RNGTT: variants seen among roughly 807,000 people sequenced by gnomAD.
RNGTT encodes the protein mRNA-capping enzyme.
RNGTT carries 33 observed loss-of-function variants against 79.3 expected under a neutral mutation model. The ratio of observed to expected loss-of-function variants is 0.42; its 90% confidence interval spans 0.32 to 0.56. RNGTT has a LOEUF of 0.56. Ranked by LOEUF, RNGTT falls within the 20% of genes least tolerant of loss-of-function variation. The pLI is 0.17. For missense variants in RNGTT, 497 were observed against 739.1 expected, an observed-to-expected ratio of 0.67 and a Z score of 3.80; for synonymous variants, 222 against 235.9, an observed-to-expected ratio of 0.94 and a Z score of 0.54.
At chr6:88,649,951 T>C (rs1190169304) in intron 14 of RNGTT, among the ~76,000 whole-genome samples, 1 of 152,178 alleles carries the variant, frequency 6.6e-6, no homozygotes, top group Non-Finnish European at 1.5e-5. Context: ...AGAATTCAAA[T>C]GAACAGAATT....
chr6:88,644,526 A>G (rs1160956015), intron 14 of RNGTT, among the ~76,000 whole-genome samples: 4 of 152,348 alleles, frequency 2.6e-5, no homozygotes, highest in Admixed American at 2.0e-4. Context: ...TCCTCATACC[A>G]AAGCCTGGCA....
intron 11 of RNGTT, among the ~76,000 whole-genome samples, chr6:88,833,437 T>C (rs1455025112): frequency 3.3e-5 from 5 of 151,868 alleles, no homozygotes; most frequent in Non-Finnish European, 7.4e-5. Flanking sequence ...TTGGGGGCTA[T>C]GGGAGGGATA....
chr6:88,887,477 T>C (rs1458462007), intron 8 of RNGTT, among the ~76,000 whole-genome samples: 3 of 152,132 alleles, frequency 2.0e-5, no homozygotes, highest in Admixed American at 6.5e-5. Context: ...CAGAAACACC[T>C]TGCAAAATTT....
chr6:88,729,757 T>C (rs879243571), intron 13 of RNGTT, among the ~76,000 whole-genome samples: 3 of 152,128 alleles, frequency 2.0e-5, no homozygotes, highest in Admixed American at 2.0e-4. Context: ...TATACCGTCA[T>C]CCCAAACAAC....
chr6:88,762,820 C>T (rs1384180299), intron 13 of RNGTT, among the ~76,000 whole-genome samples: 1 of 152,190 alleles, frequency 6.6e-6, no homozygotes, highest in African/African-American at 2.4e-5. Flanking sequence ...AGAGAGAGAA[C>T]CTGAGTAAAG....
chr6:88,640,587 A>C (rs1293980613), intron 14 of RNGTT, among the ~76,000 whole-genome samples: 1 of 151,864 alleles, frequency 6.6e-6, no homozygotes, highest in East Asian at 1.9e-4. Flanking sequence ...AAGAGCAACA[A>C]AAATAACTGG....
intron 2 of RNGTT, among the ~76,000 whole-genome samples, chr6:88,940,451 G>A (rs56091054): frequency 0.016 from 2,366 of 152,276 alleles, 29 homozygotes; most frequent in Middle Eastern, 0.034. Flanking sequence ...GGTGTTGGTC[G>A]GGTAAAGCAC....
In RNGTT at chr6:88,946,577, T is replaced by C. The variant is rs539058149; in HGVS notation, c.65-5397A>G. On this transcript the variant is annotated intron_variant, in intron 1 of 15. Coordinates refer to ENST00000369485, the MANE Select transcript of RNGTT (RefSeq NM_003800.5). ...CCAGATATGCCAAAAGCTAGGCCTC[T>C]TGCACCAGTTAGCCAAGTTGTGAAT... Among the ~76,000 whole-genome samples the C allele has an allele frequency of 3.3e-5, 5 of 152,242 alleles. No homozygotes were observed. The East Asian group carries it at 9.7e-4, about 29-fold the overall frequency.
At chr6:88,921,759 A>T (rs1012681108) in intron 4 of RNGTT, among the ~76,000 whole-genome samples, 31 of 152,084 alleles carry the variant, frequency 2.0e-4, no homozygotes, top group African/African-American at 7.2e-4. Flanking sequence ...GCCTTCCTAT[A>T]TCTGTATTAA....
chr6:88,666,425 CT>C (rs1206812070), intron 14 of RNGTT, among the ~76,000 whole-genome samples: 2 of 152,208 alleles, frequency 1.3e-5, no homozygotes, highest in African/African-American at 4.8e-5. Context: ...TAAACTAACT[CT>C]TAGGCAAAAC....
rs376428632 is a variant in RNGTT at position 88,787,991 on chromosome 6, T to C, written c.1338+13573A>G. Among the ~76,000 whole-genome samples the C allele has an allele frequency of 7.2e-5, 11 of 152,286 alleles. No individual in the cohort carries two copies. In the East Asian group the frequency reaches 1.7e-3, roughly 24 times the overall value. ...TATTTGATCATTTCAGAAATAGAGA[T>C]AGAGTTTGTCTTTGATATGCAGATG... is the stretch of plus-strand genomic sequence containing the variant. On this transcript the variant is annotated intron_variant, in intron 12 of 15. Transcript: ENST00000369485.
At chr6:88,944,062 C>T (rs1277264208) in intron 1 of RNGTT, among the ~76,000 whole-genome samples, 2 of 152,154 alleles carry the variant, frequency 1.3e-5, no homozygotes, top group Non-Finnish European at 2.9e-5. Flanking sequence ...TACATCTTTT[C>T]CTCATTCCTA....
chr6:88,800,287 C>T (rs965844963), intron 12 of RNGTT, among the ~76,000 whole-genome samples: 6 of 152,132 alleles, frequency 3.9e-5, no homozygotes, highest in African/African-American at 1.4e-4. Flanking sequence ...GTTGAGCATC[C>T]CTAATACAAA....
Position 88,793,890 on chromosome 6 carries a change from T to C in RNGTT, c.1338+7674A>G, listed in dbSNP as rs572305239. On this transcript the variant is annotated intron_variant, in intron 12 of 15. Transcript: ENST00000369485. ...ATCAAACTTCATAAGAAGTCTAGTT[T>C]ATTTTAATTGTCTAACTTGCCATTT... Among the ~76,000 whole-genome samples the C allele has an allele frequency of 3.3e-5, 5 of 152,354 alleles. No individual in the cohort carries two copies. In the South Asian group the frequency reaches 1.0e-3, roughly 32 times the overall value.
intron 4 of RNGTT, among the ~76,000 whole-genome samples, chr6:88,916,205 T>C (rs1007001356): frequency 1.3e-5 from 2 of 152,250 alleles, no homozygotes; most frequent in Non-Finnish European, 2.9e-5. Context: ...TCCAGGCAGG[T>C]GGCTCATGCC....
intron 14 of RNGTT, among the ~76,000 whole-genome samples, chr6:88,617,883 T>C (rs533728088): frequency 1.4e-4 from 21 of 151,582 alleles, no homozygotes; most frequent in Middle Eastern, 6.8e-3. Context: ...AAAAAAACCT[T>C]AGAAGTAAAT....
chr6:88,875,945 A>G (rs570780297), intron 8 of RNGTT, among the ~76,000 whole-genome samples: 1 of 152,336 alleles, frequency 6.6e-6, no homozygotes, highest in Non-Finnish European at 1.5e-5. Context: ...ATTGCCAAGG[A>G]TGTACACTCA....
chr6:88,645,402 C>G (rs934257697), intron 14 of RNGTT, among the ~76,000 whole-genome samples: 7 of 152,248 alleles, frequency 4.6e-5, no homozygotes, highest in African/African-American at 1.7e-4. Context: ...TAGGAAGAAT[C>G]AATATCGTGA....
chr6:88,916,153 T>G lies in RNGTT; in HGVS notation c.368-9713A>C, dbSNP rs118071495. On this transcript the variant is annotated intron_variant, in intron 4 of 15. Coordinates refer to ENST00000369485, the MANE Select transcript of RNGTT (RefSeq NM_003800.5). ...TGTAGAGGAACTGGAACCCTCATAC[T>G]GTGGTTTTACCAGTATCTACATCTA... 2.3e-3 allele frequency among the ~76,000 whole-genome samples: 354 copies of G among 152,328 alleles called. 1 individual carries two copies. The highest frequency in any genetic ancestry group is 8.2e-3 in the African/African-American group (342 of 41,580).
Sources: allele counts gnomAD v4.1 joint callset (sites outside exome capture counted in the v4.1 genomes callset), GRCh38; gene constraint gnomAD v4.1.1; transcripts MANE v1.5; gene names NCBI Gene and HGNC (gene_info 2026-07-23, HGNC 2026-07-21).